CTNND2: variants seen among roughly 807,000 people sequenced by gnomAD.
CTNND2 encodes catenin delta-2.
Under a neutral mutation model 144.4 loss-of-function variants are expected in CTNND2, and 22 were observed. The ratio of observed to expected loss-of-function variants is 0.15; its 90% CI spans 0.11 to 0.22. The LOEUF (loss-of-function observed/expected upper bound fraction) is 0.22. Among genes scored for constraint, CTNND2 ranks in the 10% least tolerant of loss-of-function variants. The pLI is 1.00. For synonymous variants in CTNND2, 751 were observed against 695.6 expected (o/e 1.08, Z -1.25); for missense variants, 1,353 against 1,618.8 (o/e 0.84, Z 2.82).
chr5:11,365,668 A>C (rs1482544393), intron 7 of CTNND2, among the ~76,000 whole-genome samples: 1 of 152,212 alleles, frequency 6.6e-6, no homozygotes, highest in Non-Finnish European at 1.5e-5. Context: ...TGGACCAGAG[A>C]ATCACGAGAA....
intron 2 of CTNND2, among the ~76,000 whole-genome samples, chr5:11,678,949 A>G (rs1784303971): frequency 6.6e-6 from 1 of 151,848 alleles, no homozygotes. Flanking sequence ...TCATATTGAT[A>G]GATATACTTA....
intron 7 of CTNND2, among the ~76,000 whole-genome samples, chr5:11,379,524 A>C (rs1241616798): frequency 6.6e-6 from 1 of 152,176 alleles, no homozygotes. Context: ...TGGAGACTAC[A>C]TGAGATGTAT....
chr5:11,517,962 A>C (rs992719071), intron 3 of CTNND2, among the ~76,000 whole-genome samples: 3 of 152,318 alleles, frequency 2.0e-5, no homozygotes, highest in African/African-American at 7.2e-5. Context: ...TATATGTGGA[A>C]TCTAAAATAG....
chr5:11,678,306 T>C (rs777561262), intron 2 of CTNND2, among the ~76,000 whole-genome samples: 14 of 152,180 alleles, frequency 9.2e-5, no homozygotes, highest in Non-Finnish European at 1.6e-4. Flanking sequence ...ATCCGATATC[T>C]ATCAGGAGGA....
chr5:11,406,655 T>C (rs1047568096), intron 5 of CTNND2, among the ~76,000 whole-genome samples: 3 of 152,162 alleles, frequency 2.0e-5, no homozygotes, highest in East Asian at 1.9e-4. Context: ...ATATTCACAG[T>C]AATCAAAATA....
At chr5:11,672,177 C>T (rs542304843) in intron 2 of CTNND2, among the ~76,000 whole-genome samples, 1 of 152,280 alleles carries the variant, frequency 6.6e-6, no homozygotes, top group African/African-American at 2.4e-5. Flanking sequence ...GGGACACCTG[C>T]CAGATGCCAG....
At chr5:11,420,559 C>A (rs1372771391) in intron 3 of CTNND2, among the ~76,000 whole-genome samples, 1 of 152,120 alleles carries the variant, frequency 6.6e-6, no homozygotes, top group Non-Finnish European at 1.5e-5. Context: ...GAAGAGTGAT[C>A]CCCCACTGAG....
chr5:11,555,708 A>AC (rs1776175380), intron 3 of CTNND2, among the ~76,000 whole-genome samples: 1 of 107,576 alleles, frequency 9.3e-6, no homozygotes, highest in Admixed American at 1.0e-4. Context: ...TAGAATTAAA[A>AC]TAAAAAAAAA....
At chr5:11,841,422 T>C (rs1794466910) in intron 1 of CTNND2, among the ~76,000 whole-genome samples, 1 of 152,214 alleles carries the variant, frequency 6.6e-6, no homozygotes, top group African/African-American at 2.4e-5. Flanking sequence ...TCACTGTGTT[T>C]AGGTCATAAG....
At chr5:11,126,941 T>A (rs1380340830) in intron 12 of CTNND2, among the ~76,000 whole-genome samples, 1 of 152,216 alleles carries the variant, frequency 6.6e-6, no homozygotes, top group Non-Finnish European at 1.5e-5. Flanking sequence ...TAAAAATGCG[T>A]ACTTTTAGAT....
chr5:11,496,740 CAGTT>C (rs1210693375), intron 3 of CTNND2, among the ~76,000 whole-genome samples: 8 of 152,294 alleles, frequency 5.3e-5, no homozygotes, highest in African/African-American at 1.7e-4. Flanking sequence ...TACACTCAGT[CAGTT>C]GTTTTGAATT....
chr5:11,489,695 C>T (rs1446812562), intron 3 of CTNND2, among the ~76,000 whole-genome samples: 1 of 152,128 alleles, frequency 6.6e-6, no homozygotes, highest in Non-Finnish European at 1.5e-5. Flanking sequence ...GCCCACATAA[C>T]ATTTACATTC....
At chr5:11,020,786 C>A (rs1185809882) in intron 17 of CTNND2, among the ~76,000 whole-genome samples, 1 of 150,962 alleles carries the variant, frequency 6.6e-6, no homozygotes, top group Non-Finnish European at 1.5e-5. Context: ...ACTGACTAAG[C>A]AGGAGAACTG....
chr5:11,888,744 G>T (rs78589137), intron 1 of CTNND2, among the ~76,000 whole-genome samples: 1 of 146,330 alleles, frequency 6.8e-6, no homozygotes, highest in East Asian at 2.0e-4. Flanking sequence ...TTCTCAGAAT[G>T]ACTCTTTTTT....
At chr5:11,846,231 A>G (rs1255025342) in intron 1 of CTNND2, among the ~76,000 whole-genome samples, 1 of 152,186 alleles carries the variant, frequency 6.6e-6, no homozygotes, top group African/African-American at 2.4e-5. Context: ...ATATTAATGG[A>G]AAAATTAGAA....
At chr5:11,808,552 G>C (rs1792136240) in intron 1 of CTNND2, among the ~76,000 whole-genome samples, 1 of 152,168 alleles carries the variant, frequency 6.6e-6, no homozygotes, top group Non-Finnish European at 1.5e-5. Flanking sequence ...TTTCATAGCT[G>C]CCAGAAGTTG....
intron 3 of CTNND2, among the ~76,000 whole-genome samples, chr5:11,541,629 C>T (rs111629993): frequency 1.8e-4 from 27 of 152,256 alleles, no homozygotes; most frequent in African/African-American, 6.0e-4. Flanking sequence ...GGGCTATAGA[C>T]AAAGACCAAG....
At chr5:11,872,319 T>C (rs549599697) in intron 1 of CTNND2, among the ~76,000 whole-genome samples, 321 of 152,340 alleles carry the variant, frequency 2.1e-3, no homozygotes, top group African/African-American at 7.4e-3. Context: ...GTCTTTGTTA[T>C]TGTGAATAGC....
chr5:11,479,948 C>A (rs1768094422), intron 3 of CTNND2, among the ~76,000 whole-genome samples: 1 of 152,126 alleles, frequency 6.6e-6, no homozygotes, highest in African/African-American at 2.4e-5. Context: ...TTTTCCCCCA[C>A]TCTGTAGGTT....
Sources: allele counts gnomAD v4.1 joint callset (sites outside exome capture counted in the v4.1 genomes callset), GRCh38; gene constraint gnomAD v4.1.1; transcripts MANE v1.5; gene names NCBI Gene and HGNC (gene_info 2026-07-23, HGNC 2026-07-21).